Variants in RAB27B observed in about 807,000 individuals in gnomAD.
RAB27B encodes the protein ras-related protein Rab-27B.
Under a neutral mutation model 24.6 loss-of-function variants are expected in RAB27B, and 15 were observed. That is an observed-to-expected ratio of 0.61 (90% CI 0.41 to 0.94). The LOEUF is 0.94. Among genes scored for constraint, RAB27B ranks in the 40% least tolerant of loss-of-function variants. RAB27B has a pLI of 0.00. For synonymous variants in RAB27B, 105 were observed against 92.5 expected, an observed-to-expected ratio of 1.14 and a Z score of -0.78; for missense variants, 261 against 266.8, an observed-to-expected ratio of 0.98 and a Z score of 0.15.
chr18:54,737,795 C>T (rs1338358204), intron 2 of RAB27B, among the ~76,000 whole-genome samples: 2 of 152,000 alleles, frequency 1.3e-5, no homozygotes, highest in Non-Finnish European at 2.9e-5. Flanking sequence ...AATTATTTGA[C>T]TAAATAATAT....
chr18:54,764,743 T>G (rs1382875166), intron 2 of RAB27B, among the ~76,000 whole-genome samples: 1 of 152,174 alleles, frequency 6.6e-6, no homozygotes, highest in Non-Finnish European at 1.5e-5. Flanking sequence ...TATTTCATTG[T>G]TCCTCAGGCT....
rs552429256 is a variant in RAB27B at position 54,893,879 on chromosome 18, G to A, written c.*4466G>A. 81 of 151,908 alleles carry A rather than the reference G, an allele frequency of 5.3e-4. No individual in the cohort carries two copies. The highest frequency in any genetic ancestry group is 1.9e-3 in the African/African-American group (79 of 41,500). The allele number at this position is 151,908 out of a possible 1,614,324, so 9.4% of individuals were successfully genotyped here. A position where few individuals can be genotyped will look rare whatever the true frequency, so the allele number is the denominator to read the frequency against. On this transcript the variant is annotated 3_prime_UTR_variant, in exon 6 of 6. Coordinates refer to ENST00000262094, the MANE Select transcript of RAB27B (RefSeq NM_004163.4). ...TACTTCAAAGGTCGATTTTGAGTCCGAATAAAGAAAGACCTAGTAACAGAT... is the reference window on the plus strand; with the variant it reads ...TACTTCAAAGGTCGATTTTGAGTCCAAATAAAGAAAGACCTAGTAACAGAT...
At chr18:54,839,419 AAG>A (rs531642642) in intron 1 of RAB27B, among the ~76,000 whole-genome samples, 66 of 152,298 alleles carry the variant, frequency 4.3e-4, no homozygotes, top group Non-Finnish European at 3.1e-4. Context: ...GAAAAGATGA[AAG>A]AGAGTTAAAG....
intron 1 of RAB27B, among the ~76,000 whole-genome samples, chr18:54,846,730 C>T (rs907676158): frequency 1.3e-5 from 2 of 152,186 alleles, no homozygotes; most frequent in Non-Finnish European, 2.9e-5. Flanking sequence ...GGGAGAGACA[C>T]ATTTTTGTTT....
chr18:54,869,243 T>C (rs2145254559), intron 1 of RAB27B, among the ~76,000 whole-genome samples: 1 of 152,338 alleles, frequency 6.6e-6, no homozygotes, highest in African/African-American at 2.4e-5. Context: ...TGTGCTGGTT[T>C]GGGTCCTGCT....
chr18:54,784,649 C>CTT (rs145041952), intron 2 of RAB27B, among the ~76,000 whole-genome samples: 3 of 152,130 alleles, frequency 2.0e-5, no homozygotes, highest in Non-Finnish European at 4.4e-5. Flanking sequence ...TGATTTTGTT[C>CTT]TTTTTTTATG....
intron 2 of RAB27B, among the ~76,000 whole-genome samples, chr18:54,822,876 G>A (rs564324380): frequency 1.9e-4 from 29 of 152,210 alleles, no homozygotes; most frequent in South Asian, 8.3e-4. Context: ...AACATCACTC[G>A]TGAAATTATT....
intron 1 of RAB27B, among the ~76,000 whole-genome samples, chr18:54,855,123 CATAAGAAGCGTGCA>C (rs376608115): frequency 6.6e-5 from 10 of 152,322 alleles, no homozygotes; most frequent in African/African-American, 2.4e-4. Context: ...ATTAGATTCT[CATAAGAAGCGTGCA>C]ACCCAGATCC....
At chr18:54,760,458 G>T (rs1908150238) in intron 2 of RAB27B, among the ~76,000 whole-genome samples, 2 of 152,092 alleles carry the variant, frequency 1.3e-5, no homozygotes, top group Non-Finnish European at 2.9e-5. Context: ...GCTATGAAGG[G>T]TTTTATATAC....
intron 2 of RAB27B, among the ~76,000 whole-genome samples, chr18:54,808,536 T>C (rs550226435): frequency 2.0e-5 from 3 of 152,224 alleles, no homozygotes; most frequent in Non-Finnish European, 4.4e-5. Flanking sequence ...TCTCTTATTA[T>C]CAGCCTCCAC....
chr18:54,799,812 T>C (rs1318034400), intron 2 of RAB27B, among the ~76,000 whole-genome samples: 2 of 151,946 alleles, frequency 1.3e-5, no homozygotes, highest in African/African-American at 4.8e-5. Flanking sequence ...CTATTTTTAG[T>C]AGAGACGGGG....
chr18:54,851,482 A>G (rs12966457), intron 1 of RAB27B, among the ~76,000 whole-genome samples: 1 of 152,164 alleles, frequency 6.6e-6, no homozygotes, highest in Non-Finnish European at 1.5e-5. Flanking sequence ...TTGCACAAGA[A>G]TTAGCATACT....
chr18:54,738,767 G>T (rs1260119841), intron 2 of RAB27B, among the ~76,000 whole-genome samples: 1 of 152,112 alleles, frequency 6.6e-6, no homozygotes, highest in Non-Finnish European at 1.5e-5. Flanking sequence ...TTTGCTAGTT[G>T]TGGAACAAAA....
chr18:54,866,687 A>C (rs1440648995), intron 1 of RAB27B, among the ~76,000 whole-genome samples: 2 of 152,192 alleles, frequency 1.3e-5, no homozygotes, highest in African/African-American at 4.8e-5. Context: ...TCCCTCAGAC[A>C]GGTAATGTTT....
intron 2 of RAB27B, among the ~76,000 whole-genome samples, chr18:54,815,763 G>C (rs1441898921): frequency 6.6e-6 from 1 of 152,016 alleles, no homozygotes; most frequent in Non-Finnish European, 1.5e-5. Context: ...TAAAGTTATA[G>C]CTCATTATGT....
intron 2 of RAB27B, among the ~76,000 whole-genome samples, chr18:54,773,678 T>C (rs1186144442): frequency 4.6e-5 from 7 of 151,764 alleles, no homozygotes; most frequent in Non-Finnish European, 8.8e-5. Flanking sequence ...TACTTTCTTT[T>C]TTTTTTTTTT....
At chr18:54,865,614 A>G (rs1912187621) in intron 1 of RAB27B, among the ~76,000 whole-genome samples, 1 of 152,196 alleles carries the variant, frequency 6.6e-6, no homozygotes, top group Admixed American at 6.5e-5. Flanking sequence ...TGGTATGTGG[A>G]TATGAAGCAG....
chr18:54,761,445 T>C (rs1045830176), intron 2 of RAB27B, among the ~76,000 whole-genome samples: 3 of 152,164 alleles, frequency 2.0e-5, no homozygotes, highest in South Asian at 2.1e-4. Context: ...TCTATTTGAA[T>C]TGCAACAAAA....
chr18:54,722,573 C>G (rs906443208), intron 2 of RAB27B, among the ~76,000 whole-genome samples: 1 of 152,010 alleles, frequency 6.6e-6, no homozygotes, highest in African/African-American at 2.4e-5. Flanking sequence ...CTTTCAGGCT[C>G]AAGTAGAAGA....
Sources: allele counts gnomAD v4.1 joint callset (sites outside exome capture counted in the v4.1 genomes callset), GRCh38; gene constraint gnomAD v4.1.1; transcripts MANE v1.5; gene names NCBI Gene and HGNC (gene_info 2026-07-23, HGNC 2026-07-21).